The following A1CF variants were observed in gnomAD, a reference collection of about 807,000 sequenced individuals.
The protein encoded by A1CF is APOBEC1 complementation factor, also known as APOBEC-1 stimulating protein.
In A1CF, 48 loss-of-function variants were observed where a neutral mutation model predicts 68.9. The observed-to-expected ratio is 0.70, with a 90% CI of 0.55 to 0.89. The LOEUF (loss-of-function observed/expected upper bound fraction) is 0.89, where lower values mean the gene tolerates loss of function less well. A1CF is among the 40% of genes least tolerant of loss of function. The pLI, the probability that A1CF is intolerant of heterozygous loss-of-function variation, is 0.00. For synonymous variants in A1CF, 272 were observed against 260.4 expected (o/e 1.04, Z -0.43); for missense variants, 653 against 718.9 (o/e 0.91, Z 1.05).
At position 50,813,937 on chromosome 10, in the gene A1CF, A is replaced by C. The variant is rs1838241891; in HGVS notation, c.1243T>G (p.Tyr415Asp). 1.2e-6 allele frequency: 2 copies of C among 1,613,820 alleles called. No homozygotes were observed. The highest frequency in any genetic ancestry group is 1.7e-6 in the Non-Finnish European group (2 of 1,179,890). ...AGCTCCATCCCAGGTAAAATGTCAT[A>C]GAGTTTGTCTTCTCTTTTGTCTCCT... ...VKGDKREDKL[Y>D]DILPGMELTP... The change falls in exon 10 of 13, where the codon TAT becomes GAT. Residue 415 changes from tyrosine (Y) to aspartate (D), a missense_variant. Tyr to Asp is a radical substitution (Grantham distance 160). Coordinates refer to ENST00000373997, the MANE Select transcript of A1CF (RefSeq NM_014576.4).
At chr10:50,869,950 T>C (rs1376110196) in intron 1 of A1CF, among the ~76,000 whole-genome samples, 1 of 151,872 alleles carries the variant, frequency 6.6e-6, no homozygotes, top group Admixed American at 6.6e-5. Flanking sequence ...ATTATGTTAA[T>C]AAATGGATGT....
chr10:50,819,259 G>A (rs923380122), intron 8 of A1CF, among the ~76,000 whole-genome samples: 1 of 152,086 alleles, frequency 6.6e-6, no homozygotes, highest in African/African-American at 2.4e-5. Context: ...CGGAGTAGCT[G>A]GGACTACTGT....
At chr10:50,879,898 G>A (rs1208723561) in intron 1 of A1CF, among the ~76,000 whole-genome samples, 1 of 152,140 alleles carries the variant, frequency 6.6e-6, no homozygotes, top group African/African-American at 2.4e-5. Context: ...CTCTGGCTAG[G>A]TCAGTCCATG....
chr10:50,836,997 A>G (rs1839531888), intron 5 of A1CF, among the ~76,000 whole-genome samples: 2 of 152,076 alleles, frequency 1.3e-5, no homozygotes, highest in African/African-American at 4.8e-5. Context: ...CAGGTTACTG[A>G]AGCCACCTGC....
rs374598282 is a variant in A1CF, at chr10:50,870,178, C to T, written c.-93-6098G>A. On this transcript the variant is annotated intron_variant, in intron 1 of 12. Coordinates refer to ENST00000373997, the MANE Select transcript of A1CF (RefSeq NM_014576.4). Reference sequence around the variant, plus strand: ...GCTAAAAACATTAAAATCATTTTCTCTAGCTATTTTGAAATGTACACTAGA... The same window carrying T: ...GCTAAAAACATTAAAATCATTTTCTTTAGCTATTTTGAAATGTACACTAGA... 3.5e-4 allele frequency among the ~76,000 whole-genome samples: 53 copies of T among 151,948 alleles called. 2 individuals are homozygous for T. The South Asian group carries it at 1.0e-2, about 29-fold the overall frequency.
intron 3 of A1CF, chr10:50,850,916 T>A (rs915714937): frequency 3.9e-6 from 5 of 1,288,150 alleles, no homozygotes; most frequent in Non-Finnish European, 5.2e-6. Flanking sequence ...ACTTTTTTGT[T>A]TACTTACAAT....
Position 50,806,854 on chromosome 10 carries a change from G to A in A1CF, c.1636C>T (p.Pro546Ser), listed in dbSNP as rs1192692469. 3 of 1,612,852 alleles carry A rather than the reference G, an allele frequency of 1.9e-6. No individual in the cohort carries two copies. Among genetic ancestry groups the A allele is most frequent in the Admixed American group, 3.3e-5 (2 of 59,758 alleles). ...PGYAVPNATA[P>S]VSAAQLKQAV... ...TGCTTGAGCTGGGCTGCAGACACGGGTGCAGTTGCATTAGGGACAGCATAT... is the reference window on the plus strand; with the variant it reads ...TGCTTGAGCTGGGCTGCAGACACGGATGCAGTTGCATTAGGGACAGCATAT... Residue 546 changes from proline (P) to serine (S), a missense_variant, in exon 13 of 13, where the codon CCC (proline) becomes TCC (serine). Transcript: ENST00000373997.
Position 50,844,008 on chromosome 10 carries a change from G to A in A1CF, c.214C>T (p.Leu72Phe), listed in dbSNP as rs769990399. ...KLPRDLFEDE[L>F]IPLCEKIGKI... ...CTCACTTTTTCACATAATGGTATAAGCTCATCCTCAAAAAGGTCTCGGGGA... is the reference window on the plus strand; with the variant it reads ...CTCACTTTTTCACATAATGGTATAAACTCATCCTCAAAAAGGTCTCGGGGA... The change falls in exon 4 of 13, where the codon CTT (leucine) becomes TTT (phenylalanine). Residue 72 changes from leucine (L) to phenylalanine (F), a missense_variant. Leu to Phe is a conservative substitution (Grantham distance 22). Transcript: ENST00000373997. 6.2e-7 allele frequency: 1 copy of A among 1,613,700 alleles called. No homozygotes were observed. The highest frequency in any genetic ancestry group is 1.1e-5 in the South Asian group (1 of 91,016).
intron 6 of A1CF, among the ~76,000 whole-genome samples, chr10:50,834,050 G>A (rs979162801): frequency 4.4e-4 from 67 of 152,170 alleles, no homozygotes; most frequent in African/African-American, 1.5e-3. Context: ...AATTTCTGAA[G>A]CTTATCTGAT....
intron 1 of A1CF, among the ~76,000 whole-genome samples, chr10:50,884,017 A>G (rs1270803713): frequency 6.6e-6 from 1 of 152,264 alleles, no homozygotes; most frequent in Non-Finnish European, 1.5e-5. Context: ...AGTGCTTCAC[A>G]GATGCTTGTT....
chr10:50,825,887 G>A (rs938167283), intron 7 of A1CF, among the ~76,000 whole-genome samples: 23 of 152,070 alleles, frequency 1.5e-4, no homozygotes, highest in African/African-American at 4.6e-4. Flanking sequence ...TTGCCCACCC[G>A]TAGAGTATAT....
At position 50,816,117 on chromosome 10, in the gene A1CF, C is replaced by G; in HGVS notation, c.1030G>C (p.Ala344Pro). The change falls in exon 9 of 13, where the codon GCT becomes CCT. Residue 344 changes from alanine to proline, a missense_variant. Ala to Pro is a conservative substitution (Grantham distance 27). Transcript: ENST00000373997. The part of the protein sequence containing the change: ...VYDPTTTYLG[A>P]PVFYAPQTYA... Reference sequence around the variant, plus strand: ...GTCTGGGGGGCATAGAAGACAGGAGCTCCAAGGTAGGTTGTGGTGGGATCA... The same window carrying G: ...GTCTGGGGGGCATAGAAGACAGGAGGTCCAAGGTAGGTTGTGGTGGGATCA... The G allele has an allele frequency of 6.2e-7, 1 of 1,613,824 alleles. No individual in the cohort carries two copies. Among genetic ancestry groups the G allele is most frequent in the Non-Finnish European group, 8.5e-7 (1 of 1,179,890 alleles).
intron 1 of A1CF, among the ~76,000 whole-genome samples, chr10:50,884,283 CAAT>C (rs1488254366): frequency 1.3e-5 from 2 of 152,276 alleles, no homozygotes; most frequent in Non-Finnish European, 2.9e-5. Context: ...TTGCCCACAA[CAAT>C]ATTTCTTTTC....
In A1CF at chr10:50,806,039, A is replaced by G. The variant is rs1190049251; in HGVS notation, c.*690T>C. 1 of 152,160 alleles carries G rather than the reference A, an allele frequency of 6.6e-6. No homozygotes were observed. Among genetic ancestry groups the G allele is most frequent in the Admixed American group, 6.5e-5 (1 of 15,276 alleles). The allele number at this position is 152,160 out of a possible 1,614,324, so 9.4% of individuals were successfully genotyped here. On this transcript the variant is annotated 3_prime_UTR_variant, in exon 13 of 13. Transcript: ENST00000373997. ...TGTGGACTAATGAGCTGAATAAACA[A>G]TGGGGCCTGGATTTGTTTTAACCAC...
Position 50,836,279 on chromosome 10 carries a change from C to A in A1CF, c.399G>T (p.Val133=). ...CCCCAACAAATAATCGGCAGTTGTC[C>A]ACACTGGCACAAACCCCTAAGAGGC... ...NGRLLGVCAS[V]DNCRLFVGGI... Residue 133 remains valine, a synonymous_variant, in exon 6 of 13, where the codon GTG becomes GTT. Transcript: ENST00000373997. 1 of 1,613,872 alleles carries A rather than the reference C, an allele frequency of 6.2e-7. No homozygotes were observed. The highest frequency in any genetic ancestry group is 8.5e-7 in the Non-Finnish European group (1 of 1,179,868).
At chr10:50,808,524 G>C (rs1207694734) in intron 12 of A1CF, among the ~76,000 whole-genome samples, 2 of 152,174 alleles carry the variant, frequency 1.3e-5, no homozygotes, top group Non-Finnish European at 2.9e-5. Flanking sequence ...GCCCTGGCAG[G>C]CATCCTGAGT....
chr10:50,850,724 C>T (rs766003757), intron 3 of A1CF: 85 of 1,613,958 alleles, frequency 5.3e-5, no homozygotes, highest in Non-Finnish European at 6.9e-5. Context: ...TTTTTGAGGC[C>T]AGGAATTGCT....
intron 3 of A1CF, among the ~76,000 whole-genome samples, chr10:50,846,928 A>G (rs186451197): frequency 5.3e-5 from 8 of 152,278 alleles, no homozygotes; most frequent in Admixed American, 5.2e-4. Flanking sequence ...TGGTCTTGGA[A>G]TGTACCAGTA....
chr10:50,843,940 T>C, intron 4 of A1CF, 48 bp downstream of exon 4: 2 of 1,607,790 alleles, frequency 1.2e-6, no homozygotes, highest in Non-Finnish European at 1.7e-6. Flanking sequence ...GAGAACAGTA[T>C]TTTTCCCTTG....
Sources: gnomAD v4.1 joint callset for allele counts (sites outside exome capture counted in the v4.1 genomes callset) on GRCh38, gnomAD v4.1.1 for gene constraint, MANE v1.5 for transcripts, NCBI Gene and HGNC (gene_info 2026-07-23, HGNC 2026-07-21) for gene names.